DLGAP2: variants seen among roughly 807,000 people sequenced by gnomAD.
DLGAP2 encodes the protein disks large-associated protein 2.
In DLGAP2, 26 loss-of-function variants were observed where a neutral mutation model predicts 100.3. The observed-to-expected ratio is 0.26, with a 90% CI of 0.19 to 0.36. The LOEUF (loss-of-function observed/expected upper bound fraction) is 0.36, where lower values mean the gene tolerates loss of function less well. Among genes scored for constraint, DLGAP2 ranks in the 10% least tolerant of loss-of-function variants. DLGAP2 has a pLI of 1.00. For missense variants in DLGAP2, 1,858 were observed against 1,453.2 expected (o/e 1.28, Z -4.53); for synonymous variants, 886 against 630.1 (o/e 1.41, Z -6.08).
At chr8:950,550 C>T (rs781150478) in intron 2 of DLGAP2, among the ~76,000 whole-genome samples, 51 of 152,058 alleles carry the variant, frequency 3.4e-4, no homozygotes, top group Admixed American at 5.9e-4. Context: ...CTAAACCTGA[C>T]CTGTTCATCT....
At chr8:1,586,787 T>A (rs1796134615) in intron 6 of DLGAP2, among the ~76,000 whole-genome samples, 1 of 152,100 alleles carries the variant, frequency 6.6e-6, no homozygotes, top group Non-Finnish European at 1.5e-5. Context: ...CTGCACAGAG[T>A]GTTGTAAAGA....
At chr8:917,443 C>T (rs924453758) in intron 2 of DLGAP2, among the ~76,000 whole-genome samples, 14 of 152,086 alleles carry the variant, frequency 9.2e-5, no homozygotes, top group African/African-American at 3.4e-4. Context: ...TCCCTATAAT[C>T]CCCAGGCTGC....
At chr8:1,648,717 C>T (rs533038270) in intron 8 of DLGAP2, among the ~76,000 whole-genome samples, 1 of 152,204 alleles carries the variant, frequency 6.6e-6, no homozygotes. Context: ...TCATCATTCC[C>T]AGCTTCCGGC....
At chr8:1,247,430 G>A (rs1424718234) in intron 2 of DLGAP2, among the ~76,000 whole-genome samples, 2 of 129,114 alleles carry the variant, frequency 1.5e-5, no homozygotes, top group Admixed American at 7.2e-5. Context: ...AATGGCCCAT[G>A]TTGGTGGCCG....
intron 3 of DLGAP2, among the ~76,000 whole-genome samples, chr8:1,304,222 A>G (rs1319713660): frequency 6.6e-6 from 1 of 152,058 alleles, no homozygotes; most frequent in Non-Finnish European, 1.5e-5. Flanking sequence ...TCCACGCTGG[A>G]CTCTTCCTGT....
chr8:791,826 C>G, intron 1 of DLGAP2, among the ~76,000 whole-genome samples: 1 of 152,198 alleles, frequency 6.6e-6, no homozygotes, highest in East Asian at 1.9e-4. Flanking sequence ...CTTGAGCTCA[C>G]GCACGCTCGC....
chr8:1,018,296 G>T (rs1801529888), intron 2 of DLGAP2, among the ~76,000 whole-genome samples: 2 of 152,194 alleles, frequency 1.3e-5, no homozygotes, highest in African/African-American at 2.4e-5. Context: ...TCCGGCTGAT[G>T]TTCAGTGTGT....
intron 2 of DLGAP2, among the ~76,000 whole-genome samples, chr8:1,101,255 A>C (rs1804568835): frequency 6.6e-6 from 1 of 151,808 alleles, no homozygotes; most frequent in Non-Finnish European, 1.5e-5. Context: ...AAATCCAACA[A>C]AGGCTCACTC....
chr8:1,318,754 T>A (rs2117034139), intron 3 of DLGAP2, among the ~76,000 whole-genome samples: 1 of 150,096 alleles, frequency 6.7e-6, no homozygotes, highest in Middle Eastern at 3.5e-3. Flanking sequence ...GTTTTCATTG[T>A]AACTAATCCA....
intron 3 of DLGAP2, among the ~76,000 whole-genome samples, chr8:1,474,918 G>A (rs1005433898): frequency 6.6e-6 from 1 of 152,132 alleles, no homozygotes; most frequent in African/African-American, 2.4e-5. Flanking sequence ...TCTTCCAAAG[G>A]GCACATGCCC....
At chr8:1,589,941 C>G (rs140617506) in intron 6 of DLGAP2, among the ~76,000 whole-genome samples, 1 of 152,150 alleles carries the variant, frequency 6.6e-6, no homozygotes, top group Non-Finnish European at 1.5e-5. Context: ...CCACACACAG[C>G]GTGGCTTAAA....
rs117191663 is a variant in DLGAP2, at chr8:881,261, A to G, written c.19-26651A>G. ...GCTATAAAACTCTCTCAGAGTAGTCATACATCTACATGGAGTTAGCTTGGC... is the reference window on the plus strand; with the variant it reads ...GCTATAAAACTCTCTCAGAGTAGTCGTACATCTACATGGAGTTAGCTTGGC... On this transcript the variant is annotated intron_variant, in intron 1 of 14. Coordinates refer to ENST00000637795, the MANE Select transcript of DLGAP2 (RefSeq NM_001346810.2). 4.0e-3 allele frequency among the ~76,000 whole-genome samples: 612 copies of G among 152,344 alleles called. 5 individuals are homozygous for G. The highest frequency in any genetic ancestry group is 7.2e-3 in the Non-Finnish European group (490 of 68,030).
At chr8:1,498,864 C>T (rs537496716) in intron 3 of DLGAP2, among the ~76,000 whole-genome samples, 1 of 152,318 alleles carries the variant, frequency 6.6e-6, no homozygotes, top group Admixed American at 6.5e-5. Context: ...ATGGTACCCA[C>T]AGTTATACTG....
At chr8:1,655,644 C>G (rs1007448832) in intron 8 of DLGAP2, among the ~76,000 whole-genome samples, 3 of 152,234 alleles carry the variant, frequency 2.0e-5, no homozygotes, top group Non-Finnish European at 4.4e-5. Context: ...TGCGATTCCT[C>G]AAAGCCATGT....
At chr8:1,662,587 G>C (rs1798433203) in intron 8 of DLGAP2, among the ~76,000 whole-genome samples, 1 of 152,254 alleles carries the variant, frequency 6.6e-6, no homozygotes, top group Non-Finnish European at 1.5e-5. Context: ...AGAAGCATCT[G>C]AATCTCAGTT....
chr8:1,500,772 A>C (rs543401835), intron 3 of DLGAP2, among the ~76,000 whole-genome samples: 1 of 152,272 alleles, frequency 6.6e-6, no homozygotes, highest in Non-Finnish European at 1.5e-5. Flanking sequence ...CACAGATCGA[A>C]CAATGGAAAA....
chr8:1,483,236 G>A (rs73672728), intron 3 of DLGAP2, among the ~76,000 whole-genome samples: 4,443 of 152,264 alleles, frequency 0.029, 218 homozygotes, highest in African/African-American at 0.1. Flanking sequence ...AAACTCAGAA[G>A]GTTTTCATGA....
At chr8:1,480,246 C>T (rs548756403) in intron 3 of DLGAP2, among the ~76,000 whole-genome samples, 4 of 152,218 alleles carry the variant, frequency 2.6e-5, no homozygotes, top group East Asian at 3.9e-4. Flanking sequence ...CTCCAAAAGC[C>T]GGGTCTTGTT....
chr8:1,527,911 T>C (rs1800847515), intron 4 of DLGAP2, among the ~76,000 whole-genome samples: 1 of 152,052 alleles, frequency 6.6e-6, no homozygotes, highest in Non-Finnish European at 1.5e-5. Flanking sequence ...ACTATGCTTT[T>C]AAGTATCTGC....
Sources: gnomAD v4.1 joint callset for allele counts (sites outside exome capture counted in the v4.1 genomes callset) on GRCh38, gnomAD v4.1.1 for gene constraint, MANE v1.5 for transcripts, NCBI Gene and HGNC (gene_info 2026-07-23, HGNC 2026-07-21) for gene names.